Variants in SOX6 observed in about 807,000 individuals in gnomAD.
SOX6 encodes SRY-box transcription factor 6.
A neutral mutation model predicts 97.8 loss-of-function variants in SOX6; 11 were observed. The ratio of observed to expected loss-of-function variants is 0.11; its 90% CI spans 0.07 to 0.19. The LOEUF (loss-of-function observed/expected upper bound fraction) is 0.19. Ranked by LOEUF, SOX6 falls within the 10% of genes least tolerant of loss-of-function variation. SOX6 has a pLI of 1.00. For synonymous variants in SOX6, 360 were observed against 371.4 expected, an observed-to-expected ratio of 0.97 and a Z score of 0.35; for missense variants, 810 against 1,039.5, an observed-to-expected ratio of 0.78 and a Z score of 3.04.
intron 4 of SOX6, among the ~76,000 whole-genome samples, chr11:16,516,204 T>G (rs962116978): frequency 6.6e-5 from 10 of 151,556 alleles, no homozygotes; most frequent in Non-Finnish European, 1.2e-4. Context: ...TCCATTTGTT[T>G]GTATCCTCTT....
At chr11:16,496,981 A>T (rs1269159575) in intron 4 of SOX6, among the ~76,000 whole-genome samples, 1 of 152,212 alleles carries the variant, frequency 6.6e-6, no homozygotes, top group East Asian at 1.9e-4. Flanking sequence ...TGGTTCTCCC[A>T]GCACACAGCT....
intron 2 of SOX6, among the ~76,000 whole-genome samples, chr11:16,319,187 A>C (rs1855836530): frequency 6.6e-6 from 1 of 152,168 alleles, no homozygotes; most frequent in African/African-American, 2.4e-5. Context: ...TATCTAAATC[A>C]GTGCCAGAAA....
chr11:16,035,271 C>CA lies in SOX6; in HGVS notation c.1623+11242dup, dbSNP rs1334685237. On this transcript the variant is annotated intron_variant, in intron 12 of 15. Coordinates refer to ENST00000683767, the MANE Select transcript of SOX6 (RefSeq NM_001367873.1). ...TGCAGACAGAATATGGGATTCAAAA[C>CA]AAAAAACTTTGAAGTCTCTCAAGTT... Among the ~76,000 whole-genome samples, 3 of 152,022 alleles carry CA rather than the reference C, an allele frequency of 2.0e-5. 1 individual carries two copies. Among genetic ancestry groups the CA allele is most frequent in the Admixed American group, 1.3e-4 (2 of 15,266 alleles).
intron 1 of SOX6, among the ~76,000 whole-genome samples, chr11:16,402,446 C>T (rs1054171840): frequency 6.6e-6 from 1 of 151,592 alleles, no homozygotes; most frequent in African/African-American, 2.4e-5. Flanking sequence ...TTAAGTATCA[C>T]ATCATTGGTC....
chr11:16,632,307 G>C (rs115978614), intron 3 of SOX6, among the ~76,000 whole-genome samples: 1,702 of 152,014 alleles, frequency 0.011, 23 homozygotes, highest in African/African-American at 0.039. Context: ...CCCAAGGTCT[G>C]CTGGCTTTGC....
chr11:16,717,373 A>G (rs1426165171), intron 2 of SOX6, among the ~76,000 whole-genome samples: 1 of 152,146 alleles, frequency 6.6e-6, no homozygotes, highest in Non-Finnish European at 1.5e-5. Context: ...TTAATTTCAG[A>G]GAGTTAGACT....
chr11:16,339,824 T>G (rs562381624), intron 2 of SOX6, among the ~76,000 whole-genome samples: 29 of 152,194 alleles, frequency 1.9e-4, no homozygotes, highest in Non-Finnish European at 3.8e-4. Context: ...TGACTGGATA[T>G]CTATTTCACC....
intron 4 of SOX6, among the ~76,000 whole-genome samples, chr11:16,196,868 C>G (rs1851793831): frequency 8.3e-6 from 1 of 121,134 alleles, no homozygotes; most frequent in African/African-American, 3.2e-5. Context: ...GAGTCTCACT[C>G]TGTTACCCAG....
In SOX6 at chr11:16,300,585, A is replaced by G. The variant is rs1160032161; in HGVS notation, c.445+17861T>C. On this transcript the variant is annotated intron_variant, in intron 3 of 15. Coordinates refer to ENST00000683767, the MANE Select transcript of SOX6 (RefSeq NM_001367873.1). This position sits in a 1 kb window ranked among gnomAD's most constrained non-coding sequence, Gnocchi z 4.1. ...CTAATGCAATCCTCTCAGTGCTGGA[A>G]AGACATTTTCATTCATTACCACGGT... Among the ~76,000 whole-genome samples the G allele has an allele frequency of 6.6e-6, 1 of 152,194 alleles. No individual in the cohort carries two copies. The highest frequency in any genetic ancestry group is 6.5e-5 in the Admixed American group (1 of 15,272).
intron 13 of SOX6, among the ~76,000 whole-genome samples, chr11:16,012,613 C>A (rs1024510719): frequency 6.6e-6 from 1 of 151,902 alleles, no homozygotes; most frequent in Non-Finnish European, 1.5e-5. Context: ...AGGAAATGGG[C>A]TGTACTGAGG....
intron 4 of SOX6, among the ~76,000 whole-genome samples, chr11:16,580,798 A>T (rs1848025630): frequency 2.0e-5 from 3 of 152,342 alleles, no homozygotes; most frequent in South Asian, 4.1e-4. Context: ...ATATGAACAG[A>T]CACTTCTCAA....
intron 4 of SOX6, among the ~76,000 whole-genome samples, chr11:16,209,434 A>C (rs1050548892): frequency 6.6e-6 from 1 of 152,134 alleles, no homozygotes; most frequent in Admixed American, 6.6e-5. Context: ...TAGACACTCA[A>C]ATATGTGTGA....
At chr11:16,553,502 C>T (rs541056123) in intron 4 of SOX6, among the ~76,000 whole-genome samples, 2 of 151,962 alleles carry the variant, frequency 1.3e-5, no homozygotes, top group Admixed American at 6.6e-5. Flanking sequence ...TGCCATGGGG[C>T]TGGTGGAAGT....
intron 3 of SOX6, among the ~76,000 whole-genome samples, chr11:16,239,461 T>C (rs1853119991): frequency 6.6e-6 from 1 of 152,000 alleles, no homozygotes; most frequent in African/African-American, 2.4e-5. Flanking sequence ...CAAATAAACC[T>C]AGAATAACTT....
At chr11:16,435,947 C>A (rs1859368021) in intron 1 of SOX6, among the ~76,000 whole-genome samples, 1 of 152,136 alleles carries the variant, frequency 6.6e-6, no homozygotes. Context: ...GCTACCTCAG[C>A]TACCAGGCTC....
intron 15 of SOX6, among the ~76,000 whole-genome samples, chr11:15,979,705 G>C (rs1853605683): frequency 6.6e-6 from 1 of 151,998 alleles, no homozygotes; most frequent in South Asian, 2.1e-4. Flanking sequence ...CTTTACAGTT[G>C]CTGTTCTCTC....
At chr11:16,259,271 T>C (rs1853797999) in intron 3 of SOX6, among the ~76,000 whole-genome samples, 1 of 152,038 alleles carries the variant, frequency 6.6e-6, no homozygotes, top group African/African-American at 2.4e-5. Context: ...AATATTACTT[T>C]AATAATTTTC....
chr11:15,982,460 T>C (rs1853686750), intron 15 of SOX6, among the ~76,000 whole-genome samples: 1 of 152,192 alleles, frequency 6.6e-6, no homozygotes, highest in Middle Eastern at 3.4e-3. Flanking sequence ...ATAGTAGTTT[T>C]ACATCTGTAT....
chr11:16,246,297 T>A (rs1853333226), intron 3 of SOX6, among the ~76,000 whole-genome samples: 1 of 151,774 alleles, frequency 6.6e-6, no homozygotes, highest in Admixed American at 6.6e-5. Flanking sequence ...AATTAATCAT[T>A]AGAAATTAAA....
Sources: allele counts gnomAD v4.1 joint callset (sites outside exome capture counted in the v4.1 genomes callset), GRCh38; gene constraint gnomAD v4.1.1; non-coding constraint Gnocchi (gnomAD v3.1); transcripts MANE v1.5; gene names NCBI Gene and HGNC (gene_info 2026-07-23, HGNC 2026-07-21).